Variants in VGLL4 observed in about 807,000 individuals in gnomAD.
The protein encoded by VGLL4 is vestigial like family member 4.
VGLL4 carries 7 observed loss-of-function variants against 21.0 expected under a neutral mutation model. The observed-to-expected ratio is 0.33, with a 90% CI of 0.19 to 0.63. The LOEUF (loss-of-function observed/expected upper bound fraction) is 0.63, where lower values mean the gene tolerates loss of function less well. Among genes scored for constraint, VGLL4 ranks in the 20% least tolerant of loss-of-function variants. The pLI is 0.78. For missense variants in VGLL4, 394 were observed against 425.7 expected (o/e 0.93, Z 0.66); for synonymous variants, 222 against 173.2 (o/e 1.28, Z -2.21).
intron 2 of VGLL4, chr3:11,702,875 GA>G: frequency 8.4e-7 from 1 of 1,186,588 alleles, no homozygotes. Context: ...CAAATAGCCA[GA>G]AAACCATGTA....
chr3:11,669,765 G>A (rs892638484), intron 2 of VGLL4, among the ~76,000 whole-genome samples: 2 of 151,452 alleles, frequency 1.3e-5, no homozygotes, highest in Non-Finnish European at 2.9e-5. Flanking sequence ...TTATAGCCTC[G>A]ACCTCCTGGT....
rs1411712838 is a variant in VGLL4 at position 11,719,554 on chromosome 3, G to T, written c.-14+840C>A. On this transcript the variant is annotated intron_variant, in intron 1 of 5. Coordinates refer to the VGLL4 transcript ENST00000273038. The surrounding 1 kb of genome is among the most constrained non-coding windows in gnomAD (Gnocchi z 4.0). ...CAGGCGGGCTCGCGCCCGAGCCCCCGCACGGGCCCCCGCCAAACACGCACA... is the reference window on the plus strand; with the variant it reads ...CAGGCGGGCTCGCGCCCGAGCCCCCTCACGGGCCCCCGCCAAACACGCACA... 1 of 151,022 alleles carries T rather than the reference G, an allele frequency of 6.6e-6. No individual in the cohort carries two copies. The highest frequency in any genetic ancestry group is 2.4e-5 in the African/African-American group (1 of 41,340). 9.4% of individuals were successfully genotyped at this position (151,022 alleles called of 1,614,324 possible).
chr3:11,606,013 C>T (rs557851608), intron 1 of VGLL4, among the ~76,000 whole-genome samples: 9 of 152,116 alleles, frequency 5.9e-5, no homozygotes, highest in Non-Finnish European at 8.8e-5. Flanking sequence ...AAGACATACC[C>T]GAGACTGGGT....
At chr3:11,703,104 T>C in intron 1 of VGLL4, 1 of 1,470,700 alleles carries the variant, frequency 6.8e-7, no homozygotes, top group Non-Finnish European at 9.2e-7. Context: ...AAAAGACTCT[T>C]AGAATCCTAG....
chr3:11,604,279 T>C, intron 1 of VGLL4: 1 of 671,234 alleles, frequency 1.5e-6, no homozygotes, highest in Non-Finnish European at 1.7e-6. Flanking sequence ...GTTTGCCTCA[T>C]TTGATGGATG....
chr3:11,608,415 G>A (rs920096625), intron 1 of VGLL4, among the ~76,000 whole-genome samples: 1 of 152,106 alleles, frequency 6.6e-6, no homozygotes, highest in Middle Eastern at 3.2e-3. Flanking sequence ...TCTAACACAT[G>A]GATCAATAAT....
chr3:11,700,424 C>T (rs2076664724), intron 2 of VGLL4, among the ~76,000 whole-genome samples: 1 of 152,208 alleles, frequency 6.6e-6, no homozygotes, highest in South Asian at 2.1e-4. Flanking sequence ...TCAACAAAGT[C>T]TGCAAATAGC....
chr3:11,633,609 G>C (rs1245255064), intron 1 of VGLL4: 1 of 152,514 alleles, frequency 6.6e-6, no homozygotes, highest in Non-Finnish European at 1.5e-5. Flanking sequence ...GGCGGAGGTT[G>C]CAGTGAGCCG....
intron 2 of VGLL4, among the ~76,000 whole-genome samples, chr3:11,661,707 G>C (rs994580173): frequency 2.0e-5 from 3 of 152,076 alleles, no homozygotes; most frequent in Admixed American, 1.3e-4. Flanking sequence ...CCTGACCTCA[G>C]GTGATCTGCC....
intron 2 of VGLL4, among the ~76,000 whole-genome samples, chr3:11,597,794 C>T (rs2074682398): frequency 6.6e-6 from 1 of 152,186 alleles, no homozygotes; most frequent in Admixed American, 6.5e-5. Flanking sequence ...CTCCTCATCC[C>T]AGTCATTGGC....
intron 2 of VGLL4, among the ~76,000 whole-genome samples, chr3:11,579,118 G>A (rs1176559595): frequency 6.7e-6 from 1 of 149,538 alleles, no homozygotes; most frequent in Non-Finnish European, 1.5e-5. Context: ...CATGTAGTGT[G>A]TTAATTCTCA....
chr3:11,562,941 CG>C (rs1559856954), intron 3 of VGLL4, among the ~76,000 whole-genome samples: 1 of 152,204 alleles, frequency 6.6e-6, no homozygotes, highest in Non-Finnish European at 1.5e-5. Context: ...GCCCTTGCCA[CG>C]TGTGCCGTGG....
At chr3:11,711,492 G>C (rs976037758) in intron 1 of VGLL4, among the ~76,000 whole-genome samples, 2 of 151,674 alleles carry the variant, frequency 1.3e-5, no homozygotes, top group Non-Finnish European at 2.9e-5. Flanking sequence ...GCGTGAACCC[G>C]GGAGGCAGAG....
At chr3:11,674,615 C>T (rs555789468) in intron 2 of VGLL4, among the ~76,000 whole-genome samples, 2 of 152,198 alleles carry the variant, frequency 1.3e-5, no homozygotes, top group East Asian at 1.9e-4. Flanking sequence ...CACCTACACA[C>T]GTGTCCACTG....
intron 1 of VGLL4, among the ~76,000 whole-genome samples, chr3:11,710,784 G>A (rs1280150116): frequency 6.6e-6 from 1 of 152,188 alleles, no homozygotes; most frequent in Non-Finnish European, 1.5e-5. Context: ...ATGGCATGGG[G>A]TGTACTTCTT....
intron 1 of VGLL4, among the ~76,000 whole-genome samples, chr3:11,714,136 C>T (rs1575557183): frequency 1.3e-5 from 2 of 152,214 alleles, no homozygotes; most frequent in East Asian, 3.9e-4. Context: ...CGGTGAGGTA[C>T]ATCTATACAG....
intron 1 of VGLL4, among the ~76,000 whole-genome samples, chr3:11,621,970 T>C (rs2075273128): frequency 1.3e-5 from 2 of 152,208 alleles, no homozygotes; most frequent in African/African-American, 4.8e-5. Flanking sequence ...TCAAATCCTT[T>C]GCCCATTTTT....
chr3:11,564,009 C>CGGA (rs2073283704), intron 3 of VGLL4, among the ~76,000 whole-genome samples: 1 of 152,136 alleles, frequency 6.6e-6, no homozygotes. Context: ...GCACAGAGCC[C>CGGA]GGAGGCACCC....
chr3:11,559,478 T>C (rs1233443589), intron 3 of VGLL4, 23 bp from the exon 4 acceptor site: 1 of 1,539,100 alleles, frequency 6.5e-7, no homozygotes, highest in Non-Finnish European at 8.8e-7. Flanking sequence ...GGGGTGTCAG[T>C]ATGTGGAGAC....
Sources: allele counts gnomAD v4.1 joint callset (sites outside exome capture counted in the v4.1 genomes callset), GRCh38; gene constraint gnomAD v4.1.1; non-coding constraint Gnocchi (gnomAD v3.1); transcripts MANE v1.5; gene names NCBI Gene and HGNC (gene_info 2026-07-23, HGNC 2026-07-21).